Variants in INPP5F observed in about 807,000 individuals in gnomAD.
The protein encoded by INPP5F is phosphatidylinositide 4-phosphatase SAC2.
A neutral mutation model predicts 137.2 loss-of-function variants in INPP5F; 97 were observed. That is an observed-to-expected ratio of 0.71 (90% CI 0.60 to 0.84). The LOEUF is 0.84. Among genes scored for constraint, INPP5F ranks in the 40% least tolerant of loss-of-function variants. The probability of loss-of-function intolerance (pLI) is 0.00; values close to 1 mark genes in which losing one functional copy is unlikely to be tolerated. For missense variants in INPP5F, 1,271 were observed against 1,371.9 expected, an observed-to-expected ratio of 0.93 and a Z score of 1.16; for synonymous variants, 504 against 476.9, an observed-to-expected ratio of 1.06 and a Z score of -0.74.
chr10:119,799,087 T>C (rs1228761636), intron 9 of INPP5F, among the ~76,000 whole-genome samples: 2 of 152,206 alleles, frequency 1.3e-5, no homozygotes, highest in Non-Finnish European at 2.9e-5. Context: ...TTATGTATTT[T>C]TCAGTATGTT....
Position 119,751,057 on chromosome 10 carries a change from G to C in INPP5F, c.98-19G>C. The C allele has an allele frequency of 1.3e-6, 2 of 1,488,588 alleles. No individual in the cohort carries two copies. Among genetic ancestry groups the C allele is most frequent in the Non-Finnish European group, 1.9e-6 (2 of 1,066,052 alleles). The allele number at this position is 1,488,588 out of a possible 1,614,324, so 92.2% of individuals were successfully genotyped here. Reference sequence around the variant, plus strand: ...TTCTGGTGAATGTTTTCTCATCACTGCTTCCTATTTTATTTTAGCTACTGA... The same window carrying C: ...TTCTGGTGAATGTTTTCTCATCACTCCTTCCTATTTTATTTTAGCTACTGA... On this transcript the variant is annotated intron_variant, in intron 1 of 19. Transcript: ENST00000650623.
At chr10:119,818,944 A>C (rs1450372656) in intron 15 of INPP5F, 1 of 152,320 alleles carries the variant, frequency 6.6e-6, no homozygotes, top group East Asian at 1.9e-4. Context: ...TTATGGTTAA[A>C]GTTCCTGTGG....
At position 119,827,396 on chromosome 10, in the gene INPP5F, A is replaced by G. The variant is rs1851809868; in HGVS notation, c.3015A>G (p.Glu1005=). ...ATGAAACCCAATCAGAATCAACAGA[A>G]CAGACACCTTCTCGGCCATCGCAAT... ...VSNETQSEST[E]QTPSRPSQLD... Residue 1005 remains glutamate, a synonymous_variant, in exon 20 of 20, where the codon GAA becomes GAG. Transcript: ENST00000650623. The G allele has an allele frequency of 6.2e-7, 1 of 1,614,190 alleles. No individual in the cohort carries two copies. The highest frequency in any genetic ancestry group is 8.5e-7 in the Non-Finnish European group (1 of 1,180,026).
chr10:119,821,864 C>CTTTTTT (rs11347174), intron 16 of INPP5F, among the ~76,000 whole-genome samples: 12 of 88,146 alleles, frequency 1.4e-4, no homozygotes, highest in East Asian at 3.4e-4. Context: ...CTTGTAGTTG[C>CTTTTTT]TTTTTTTTTT....
At chr10:119,773,717 C>A (rs1293867961) in intron 2 of INPP5F, among the ~76,000 whole-genome samples, 1 of 152,026 alleles carries the variant, frequency 6.6e-6, no homozygotes. Context: ...GCTCTGTCTC[C>A]AATGTTGGGT....
At chr10:119,744,642 C>T (rs374619589) in intron 1 of INPP5F, among the ~76,000 whole-genome samples, 2 of 152,146 alleles carry the variant, frequency 1.3e-5, no homozygotes, top group South Asian at 4.1e-4. Context: ...GCCTCAAATT[C>T]CTGGGCTCAA....
intron 1 of INPP5F, among the ~76,000 whole-genome samples, chr10:119,744,941 TG>T (rs1188922547): frequency 6.6e-6 from 1 of 152,220 alleles, no homozygotes; most frequent in Non-Finnish European, 1.5e-5. Context: ...CGACTACTAA[TG>T]ACTATTGTTT....
In INPP5F at chr10:119,827,869, C is replaced by T. The variant is rs112682449; in HGVS notation, c.*89C>T. 1.0e-6 allele frequency: 1 copy of T among 979,006 alleles called. No homozygotes were observed. Among genetic ancestry groups the T allele is most frequent in the African/African-American group, 1.6e-5 (1 of 60,894 alleles). 60.6% of individuals were successfully genotyped at this position (979,006 alleles called of 1,614,324 possible). ...GTATTTTAATTGTACTGTCTGAACCCAGGGATCACAAATTCTGTTCATTGG... is the reference window on the plus strand; with the variant it reads ...GTATTTTAATTGTACTGTCTGAACCTAGGGATCACAAATTCTGTTCATTGG... On this transcript the variant is annotated 3_prime_UTR_variant, in exon 20 of 20. Coordinates refer to ENST00000650623, the MANE Select transcript of INPP5F (RefSeq NM_014937.4).
At chr10:119,764,343 G>GCACACA (rs71019713) in intron 2 of INPP5F, among the ~76,000 whole-genome samples, 6,364 of 150,838 alleles carry the variant, frequency 0.042, 212 homozygotes, top group South Asian at 0.19. Context: ...ACAGGCGTGT[G>GCACACA]CACACACACA....
intron 7 of INPP5F, 80 bp downstream of exon 7, chr10:119,796,993 A>G (rs1850408392): frequency 7.7e-7 from 1 of 1,296,664 alleles, no homozygotes; most frequent in Non-Finnish European, 1.1e-6. Context: ...AATGCTAATG[A>G]CAATAATGGA....
chr10:119,808,161 T>C lies in INPP5F; in HGVS notation c.1569+101T>C. 4 of 1,381,834 alleles carry C rather than the reference T, an allele frequency of 2.9e-6. No homozygotes were observed. In the South Asian group the frequency reaches 5.7e-5, roughly 20 times the overall value. The allele number at this position is 1,381,834 out of a possible 1,614,324, so 85.6% of individuals were successfully genotyped here. ...GTGTGTGGGTTCCAGATTGCAGATG[T>C]GTGTAGTTGACTCTTTTCTGAAATG... is the stretch of plus-strand genomic sequence containing the variant. On this transcript the variant is annotated intron_variant, in intron 13 of 19. Coordinates refer to ENST00000650623, the MANE Select transcript of INPP5F (RefSeq NM_014937.4).
chr10:119,794,718 G>A lies in INPP5F; in HGVS notation c.670-1997G>A, dbSNP rs867398483. Among the ~76,000 whole-genome samples, 283 of 136,586 alleles carry A rather than the reference G, an allele frequency of 2.1e-3. 3 individuals carry two copies. The highest frequency in any genetic ancestry group is 7.4e-3 in the African/African-American group (265 of 35,888). The allele number at this position is 136,586 out of a possible 152,430, so 89.6% of individuals were successfully genotyped here. ...GGGGCTGACCCCCCACCTCCCTCCC[G>A]GACGGGGCGGCTGGCCAGGTGGGGG... On this transcript the variant is annotated intron_variant, in intron 6 of 19. Coordinates refer to ENST00000650623, the MANE Select transcript of INPP5F (RefSeq NM_014937.4).
chr10:119,786,576 G>T (rs1849923817), intron 3 of INPP5F, among the ~76,000 whole-genome samples: 1 of 152,136 alleles, frequency 6.6e-6, no homozygotes, highest in Non-Finnish European at 1.5e-5. Context: ...TTTGAGACAG[G>T]GTCTTGCTCT....
intron 1 of INPP5F, among the ~76,000 whole-genome samples, chr10:119,726,600 C>G (rs1589652551): frequency 3.3e-5 from 5 of 152,318 alleles, no homozygotes; most frequent in Admixed American, 3.3e-4. Context: ...CCTCGTCCTT[C>G]CCACCGCGTC....
intron 6 of INPP5F, 133 bp downstream of exon 6, chr10:119,792,346 C>T: frequency 1.4e-6 from 1 of 690,496 alleles, no homozygotes; most frequent in Non-Finnish European, 2.4e-6. Flanking sequence ...ACTACGTTTT[C>T]CCCTATGGAA....
At chr10:119,749,066 A>G (rs1430978537) in intron 1 of INPP5F, among the ~76,000 whole-genome samples, 1 of 151,954 alleles carries the variant, frequency 6.6e-6, no homozygotes, top group Non-Finnish European at 1.5e-5. Context: ...TGCACACCCG[A>G]CTCGGTCGTG....
chr10:119,726,478 G>A (rs569164231), intron 1 of INPP5F, 119 bp downstream of exon 1: 297 of 438,042 alleles, frequency 6.8e-4, no homozygotes, highest in African/African-American at 5.9e-3. Context: ...GGCGGGGCGG[G>A]GCGGGCTGCG....
At chr10:119,796,367 C>T (rs1850382345) in intron 6 of INPP5F, among the ~76,000 whole-genome samples, 1 of 152,144 alleles carries the variant, frequency 6.6e-6, no homozygotes, top group Non-Finnish European at 1.5e-5. Context: ...GTGCTAAACA[C>T]TACGTGTATT....
At chr10:119,756,406 C>T (rs920957721) in intron 2 of INPP5F, among the ~76,000 whole-genome samples, 8 of 151,910 alleles carry the variant, frequency 5.3e-5, no homozygotes, top group African/African-American at 1.5e-4. Context: ...GAGGTCGAGG[C>T]GGGTGGATTG....
Sources: allele counts gnomAD v4.1 joint callset (sites outside exome capture counted in the v4.1 genomes callset), GRCh38; gene constraint gnomAD v4.1.1; transcripts MANE v1.5; gene names NCBI Gene and HGNC (gene_info 2026-07-23, HGNC 2026-07-21).